PHACTR1: variants seen among roughly 807,000 people sequenced by gnomAD.
PHACTR1 encodes the protein phosphatase and actin regulator 1, also known as RPEL repeat containing 1.
In PHACTR1, 16 loss-of-function variants were observed where a neutral mutation model predicts 69.2. The observed-to-expected ratio is 0.23, with a 90% CI of 0.16 to 0.35. The LOEUF is 0.35. PHACTR1 is among the 10% of genes least tolerant of loss of function. The probability of loss-of-function intolerance (pLI) is 1.00; values close to 1 mark genes in which losing one functional copy is unlikely to be tolerated. For missense variants in PHACTR1, 510 were observed against 734.7 expected (o/e 0.69, Z 3.54); for synonymous variants, 312 against 284.5 (o/e 1.10, Z -0.97).
intron 13 of PHACTR1, among the ~76,000 whole-genome samples, chr6:13,284,205 G>T (rs1780960387): frequency 6.6e-6 from 1 of 151,736 alleles, no homozygotes; most frequent in Admixed American, 6.6e-5. Flanking sequence ...GAGCTGGAGG[G>T]TTAAGGGCCT....
intron 3 of PHACTR1, among the ~76,000 whole-genome samples, chr6:12,723,097 T>C (rs999407938): frequency 2.0e-5 from 3 of 152,204 alleles, no homozygotes; most frequent in Non-Finnish European, 2.9e-5. Context: ...ATGAGATTTT[T>C]AGGTTAAAAT....
chr6:12,923,563 T>A lies in PHACTR1; in HGVS notation c.251-129802T>A, dbSNP rs575424804. On this transcript the variant is annotated intron_variant, in intron 4 of 14. Transcript: ENST00000332995. The stretch of plus-strand genomic sequence containing the variant: ...CTCCATTTTCCTAATACCAATACTT[T>A]GATATTGAAATTATTTCCATGGAAG... 3.9e-5 allele frequency among the ~76,000 whole-genome samples: 6 copies of A among 152,358 alleles called. No homozygotes were observed. In the South Asian group the frequency reaches 1.2e-3, roughly 32 times the overall value.
At chr6:12,879,791 G>A (rs1249101161) in intron 4 of PHACTR1, among the ~76,000 whole-genome samples, 2 of 152,144 alleles carry the variant, frequency 1.3e-5, no homozygotes, top group Non-Finnish European at 2.9e-5. Flanking sequence ...AACCTAGACA[G>A]TTTGACTTCA....
At chr6:12,983,169 G>A (rs1795723077) in intron 4 of PHACTR1, among the ~76,000 whole-genome samples, 1 of 152,234 alleles carries the variant, frequency 6.6e-6, no homozygotes, top group Non-Finnish European at 1.5e-5. Context: ...GCAAGGAACT[G>A]TGGATAGCAC....
At position 13,117,257 on chromosome 6, in the gene PHACTR1, G is replaced by A. The variant is rs142553171; in HGVS notation, c.416-42947G>A. On this transcript the variant is annotated intron_variant, in intron 5 of 14. Transcript: ENST00000332995. Reference sequence around the variant, plus strand: ...TAAAGACAAGAGACCACTTGGTTTCGTTTCTGCAGACTTGACCTAGGCAAG... The same window carrying A: ...TAAAGACAAGAGACCACTTGGTTTCATTTCTGCAGACTTGACCTAGGCAAG... Among the ~76,000 whole-genome samples, 86 of 152,318 alleles carry A rather than the reference G, an allele frequency of 5.6e-4. No individual in the cohort carries two copies. The Middle Eastern group carries it at 0.014, about 24-fold the overall frequency.
chr6:13,064,830 G>A (rs1453188285), intron 5 of PHACTR1, among the ~76,000 whole-genome samples: 2 of 151,088 alleles, frequency 1.3e-5, no homozygotes, highest in East Asian at 4.0e-4. Flanking sequence ...AACGCAAAAA[G>A]TCAACTTGAT....
intron 4 of PHACTR1, among the ~76,000 whole-genome samples, chr6:12,760,053 G>A (rs191452635): frequency 6.6e-6 from 1 of 152,326 alleles, no homozygotes; most frequent in East Asian, 1.9e-4. Context: ...TTAGAATAAT[G>A]CCTGACACAT....
intron 8 of PHACTR1, among the ~76,000 whole-genome samples, chr6:13,220,242 C>T (rs923149742): frequency 1.3e-5 from 2 of 152,208 alleles, no homozygotes; most frequent in Non-Finnish European, 2.9e-5. Context: ...ATCTGTCCAA[C>T]ATCTTGTGAA....
At position 13,087,867 on chromosome 6, in the gene PHACTR1, G is replaced by A. The variant is rs1449774301; in HGVS notation, c.415+34338G>A. ...TCACCGTGCTGCCCGGGCTAATCTC[G>A]AAGTCCTGGGCTCAAGCAGTCCTCC... On this transcript the variant is annotated intron_variant, in intron 5 of 14. Coordinates refer to ENST00000332995, the MANE Select transcript of PHACTR1 (RefSeq NM_030948.6). Among the ~76,000 whole-genome samples, 4 of 151,992 alleles carry A rather than the reference G, an allele frequency of 2.6e-5. 1 individual carries two copies. The highest frequency in any genetic ancestry group is 2.1e-4 in the South Asian group (1 of 4,814).
intron 4 of PHACTR1, among the ~76,000 whole-genome samples, chr6:13,049,272 G>A (rs1366484856): frequency 1.3e-5 from 2 of 151,876 alleles, no homozygotes; most frequent in African/African-American, 2.4e-5. Context: ...GACAAGTAAC[G>A]ATACATATTT....
At chr6:13,064,691 C>A (rs1177365983) in intron 5 of PHACTR1, among the ~76,000 whole-genome samples, 5 of 144,546 alleles carry the variant, frequency 3.5e-5, no homozygotes, top group African/African-American at 1.3e-4. Flanking sequence ...CAGAGTCAGC[C>A]GCTTGTCTCT....
At chr6:13,167,848 T>A (rs1201256074) in intron 6 of PHACTR1, among the ~76,000 whole-genome samples, 1 of 152,200 alleles carries the variant, frequency 6.6e-6, no homozygotes, top group African/African-American at 2.4e-5. Flanking sequence ...TACACAGGGG[T>A]CGCATTTTTC....
chr6:12,826,789 C>A (rs182026464), intron 4 of PHACTR1, among the ~76,000 whole-genome samples: 1 of 152,284 alleles, frequency 6.6e-6, no homozygotes, highest in East Asian at 1.9e-4. Context: ...GACAATTAAT[C>A]TTGAAATGAA....
chr6:12,751,487 CTT>C (rs1766612610), intron 4 of PHACTR1, among the ~76,000 whole-genome samples: 1 of 152,174 alleles, frequency 6.6e-6, no homozygotes, highest in African/African-American at 2.4e-5. Context: ...GACCCCTTTG[CTT>C]AGCCCAGGAG....
chr6:13,058,505 C>A (rs1295069097), intron 5 of PHACTR1, among the ~76,000 whole-genome samples: 1 of 152,112 alleles, frequency 6.6e-6, no homozygotes, highest in Non-Finnish European at 1.5e-5. Flanking sequence ...GGGTATATAG[C>A]CATGAGCCAA....
chr6:12,860,810 T>C (rs1780866813), intron 4 of PHACTR1, among the ~76,000 whole-genome samples: 1 of 152,248 alleles, frequency 6.6e-6, no homozygotes, highest in African/African-American at 2.4e-5. Flanking sequence ...GAAAAGTGTC[T>C]GTTCATATAA....
At chr6:13,199,693 T>G (rs989830143) in intron 7 of PHACTR1, among the ~76,000 whole-genome samples, 7 of 152,144 alleles carry the variant, frequency 4.6e-5, no homozygotes, top group African/African-American at 1.7e-4. Context: ...GAAAGGCTCT[T>G]TATGCAAACT....
At chr6:12,808,291 A>G (rs573241445) in intron 4 of PHACTR1, among the ~76,000 whole-genome samples, 1 of 152,318 alleles carries the variant, frequency 6.6e-6, no homozygotes, top group Admixed American at 6.5e-5. Context: ...ATAGGTTTAA[A>G]AGTATATATT....
At chr6:13,110,583 C>T (rs958020635) in intron 5 of PHACTR1, among the ~76,000 whole-genome samples, 1 of 152,176 alleles carries the variant, frequency 6.6e-6, no homozygotes, top group Non-Finnish European at 1.5e-5. Context: ...TCTCATATTC[C>T]AGTTACCCTG....
Sources: allele counts gnomAD v4.1 joint callset (sites outside exome capture counted in the v4.1 genomes callset), GRCh38; gene constraint gnomAD v4.1.1; transcripts MANE v1.5; gene names NCBI Gene and HGNC (gene_info 2026-07-23, HGNC 2026-07-21).